The following POM121C variants were observed in gnomAD, a reference collection of about 807,000 sequenced individuals.
POM121C encodes the protein POM121 transmembrane nucleoporin C, also known as nuclear envelope pore membrane protein POM 121C.
A neutral mutation model predicts 66.4 loss-of-function variants in POM121C; 20 were observed. The observed-to-expected ratio is 0.30, with a 90% confidence interval of 0.21 to 0.44. POM121C has a LOEUF of 0.44. POM121C is among the 20% of genes least tolerant of loss of function. The probability of loss-of-function intolerance (pLI) is 1.00; values close to 1 mark genes in which losing one functional copy is unlikely to be tolerated. For synonymous variants in POM121C, 286 were observed against 528.0 expected (o/e 0.54, Z 6.28); for missense variants, 580 against 1,225.7 (o/e 0.47, Z 7.87).
At chr7:75,479,002 A>G (rs1792199501) in intron 1 of POM121C, among the ~76,000 whole-genome samples, 1 of 149,658 alleles carries the variant, frequency 6.7e-6, no homozygotes, top group East Asian at 2.0e-4. Flanking sequence ...GGGGGAAGAA[A>G]AAAAGACATG....
At position 75,419,725 on chromosome 7, in the gene POM121C, G is replaced by C. The variant is rs1789617485; in HGVS notation, c.2744-283C>G. 1.1e-5 allele frequency: 5 copies of C among 436,860 alleles called. No individual in the cohort carries two copies. The South Asian group carries it at 1.5e-4, about 13-fold the overall frequency. The allele number at this position is 436,860 out of a possible 1,614,324, so 27.1% of individuals were successfully genotyped here. On this transcript the variant is annotated intron_variant, in intron 13 of 14. Coordinates refer to ENST00000615331, the MANE Select transcript of POM121C (RefSeq NM_001099415.3). ...TGGGCCTCCTGACCATCGCTGCAGA[G>C]GGGAGTACTCTGGGGCCCCCGCCTC...
At chr7:75,424,831 G>T in intron 10 of POM121C, 1 of 1,177,010 alleles carries the variant, frequency 8.5e-7, no homozygotes, top group Non-Finnish European at 1.2e-6. Flanking sequence ...GTGGTAGCAA[G>T]CGCCTGTAAT....
At chr7:75,476,334 C>A (rs1454627478) in intron 1 of POM121C, among the ~76,000 whole-genome samples, 1 of 151,722 alleles carries the variant, frequency 6.6e-6, no homozygotes, top group African/African-American at 2.4e-5. Flanking sequence ...TGGGCTCCAG[C>A]AATCCACCTG....
intron 3 of POM121C, among the ~76,000 whole-genome samples, chr7:75,470,695 C>CT (rs1256321123): frequency 6.6e-6 from 1 of 151,494 alleles, no homozygotes; most frequent in Non-Finnish European, 1.5e-5. Flanking sequence ...TGCAGTGGCA[C>CT]TATCACAGCC....
Position 75,419,456 on chromosome 7 carries a change from A to G in POM121C, c.2744-14T>C. ...GGGTGGCGGTGCCTGGAATGAAGAG[A>G]ACAGAGAGCTAGCCAGTGAGCAGAG... On this transcript the variant is annotated splice_polypyrimidine_tract_variant and intron_variant, in intron 13 of 14. Transcript: ENST00000615331. 6.2e-7 allele frequency: 1 copy of G among 1,612,802 alleles called. No homozygotes were observed. The highest frequency in any genetic ancestry group is 1.1e-5 in the South Asian group (1 of 90,994).
chr7:75,439,000 A>T, intron 6 of POM121C, 144 bp downstream of exon 6: 2 of 872,980 alleles, frequency 2.3e-6, no homozygotes, highest in Non-Finnish European at 1.8e-6. Flanking sequence ...GTGACAAGTT[A>T]CTCAGAATAT....
At chr7:75,438,179 T>C (rs141927796) in intron 6 of POM121C, among the ~76,000 whole-genome samples, 243 of 152,326 alleles carry the variant, frequency 1.6e-3, no homozygotes, top group African/African-American at 5.8e-3. Context: ...AACAGAAATC[T>C]CCTATGCATC....
chr7:75,455,759 C>T (rs200487208), intron 3 of POM121C, among the ~76,000 whole-genome samples: 12 of 152,268 alleles, frequency 7.9e-5, no homozygotes, highest in Middle Eastern at 3.4e-3. Context: ...GCGTATCTAC[C>T]GTGTCTATTT....
intron 1 of POM121C, among the ~76,000 whole-genome samples, chr7:75,477,366 T>A (rs1183558581): frequency 6.6e-6 from 1 of 152,238 alleles, no homozygotes; most frequent in South Asian, 2.1e-4. Flanking sequence ...GCAGATCACC[T>A]GAGGTCAGGA....
At chr7:75,448,405 T>C (rs1165938113) in intron 3 of POM121C, among the ~76,000 whole-genome samples, 2 of 150,626 alleles carry the variant, frequency 1.3e-5, no homozygotes, top group African/African-American at 4.9e-5. Context: ...TGCCTGTTTT[T>C]CCTTATTATT....
chr7:75,427,975 G>A lies in POM121C; in HGVS notation c.481-1522C>T, dbSNP rs587734576. Among the ~76,000 whole-genome samples, 9 of 152,222 alleles carry A rather than the reference G, an allele frequency of 5.9e-5. No homozygotes were observed. In the East Asian group the frequency reaches 1.5e-3, roughly 26 times the overall value. On this transcript the variant is annotated intron_variant, in intron 7 of 14. Coordinates refer to ENST00000615331, the MANE Select transcript of POM121C (RefSeq NM_001099415.3). The stretch of plus-strand genomic sequence containing the variant: ...TACGCTCAAACAGCAAGAAAGGCCA[G>A]AGCACAATGGTTTAAAAAACATGGG...
intron 3 of POM121C, among the ~76,000 whole-genome samples, chr7:75,467,580 A>G (rs1162627144): frequency 2.6e-5 from 4 of 152,044 alleles, no homozygotes; most frequent in African/African-American, 4.8e-5. Context: ...GGCGGAATAA[A>G]TCCTGTGATG....
At chr7:75,430,075 A>G (rs1251272132) in intron 7 of POM121C, among the ~76,000 whole-genome samples, 2 of 152,236 alleles carry the variant, frequency 1.3e-5, no homozygotes, top group African/African-American at 4.8e-5. Flanking sequence ...TCAATATTAT[A>G]ACAATGTTAA....
intron 3 of POM121C, chr7:75,442,702 C>G (rs1465763362): frequency 7.9e-6 from 11 of 1,394,528 alleles, no homozygotes; most frequent in Non-Finnish European, 1.0e-5. Flanking sequence ...CTCCAGCCGC[C>G]GCAGCCGCCG....
chr7:75,450,972 A>G (rs1260519579), intron 3 of POM121C, among the ~76,000 whole-genome samples: 3 of 152,026 alleles, frequency 2.0e-5, no homozygotes, highest in African/African-American at 7.2e-5. Flanking sequence ...AAACTCTATA[A>G]ATCGTGAAGG....
chr7:75,442,791 C>G (rs199805238), intron 3 of POM121C: 1 of 1,271,932 alleles, frequency 7.9e-7, no homozygotes, highest in East Asian at 3.3e-5. Context: ...TCATCGCGCG[C>G]CCGCCACGTC....
rs1470277486 is a variant in POM121C, at chr7:75,439,548, G to T, written c.228-324C>A. 2.0e-5 allele frequency among the ~76,000 whole-genome samples: 3 copies of T among 152,234 alleles called. No homozygotes were observed. The South Asian group carries it at 6.2e-4, about 32-fold the overall frequency. ...CTACAAGTATGCACCACCACACCTG[G>T]CTAATTTCTTAATTTTTTGTACAGG... On this transcript the variant is annotated intron_variant, in intron 5 of 14. Transcript: ENST00000615331.
At chr7:75,440,400 T>A (rs1449630163) in intron 5 of POM121C, among the ~76,000 whole-genome samples, 1 of 151,122 alleles carries the variant, frequency 6.6e-6, no homozygotes, top group African/African-American at 2.4e-5. Flanking sequence ...ACCCTGTCTC[T>A]ACTAAAAATA....
At chr7:75,463,714 C>T (rs1205652402) in intron 3 of POM121C, among the ~76,000 whole-genome samples, 56 of 152,136 alleles carry the variant, frequency 3.7e-4, no homozygotes, top group Admixed American at 2.4e-3. Flanking sequence ...TTTTTTGAGA[C>T]GGAGTCTTAG....
Sources: gnomAD v4.1 joint callset for allele counts (sites outside exome capture counted in the v4.1 genomes callset) on GRCh38, gnomAD v4.1.1 for gene constraint, MANE v1.5 for transcripts, NCBI Gene and HGNC (gene_info 2026-07-23, HGNC 2026-07-21) for gene names.